Variants in CACNA2D1 observed in about 807,000 individuals in gnomAD.
The protein encoded by CACNA2D1 is voltage-dependent calcium channel subunit alpha-2/delta-1.
In CACNA2D1, 53 loss-of-function variants were observed where a neutral mutation model predicts 171.5. That is an observed-to-expected ratio of 0.31 (90% CI 0.25 to 0.39). The LOEUF (loss-of-function observed/expected upper bound fraction) is 0.39, where lower values mean the gene tolerates loss of function less well. CACNA2D1 is among the 10% of genes least tolerant of loss of function. The pLI, the probability that CACNA2D1 is intolerant of heterozygous loss-of-function variation, is 1.00. For synonymous variants in CACNA2D1, 442 were observed against 443.1 expected (o/e 1.00, Z 0.03); for missense variants, 903 against 1,299.8 (o/e 0.69, Z 4.69).
chr7:82,168,714 A>T (rs554010774), intron 4 of CACNA2D1, among the ~76,000 whole-genome samples: 1 of 62,352 alleles, frequency 1.6e-5, no homozygotes, highest in South Asian at 5.0e-4. Context: ...ATGAAACAAC[A>T]ATGATATAGG....
intron 3 of CACNA2D1, among the ~76,000 whole-genome samples, chr7:82,251,858 A>G (rs1426703573): frequency 6.6e-6 from 1 of 152,220 alleles, no homozygotes; most frequent in African/African-American, 2.4e-5. Flanking sequence ...ACACATCCTT[A>G]GCTTCCCATG....
chr7:81,986,425 C>T (rs1240475654), intron 21 of CACNA2D1, among the ~76,000 whole-genome samples: 1 of 151,928 alleles, frequency 6.6e-6, no homozygotes, highest in East Asian at 1.9e-4. Context: ...TTCTGAATCA[C>T]TTAAGCCTCA....
chr7:82,079,205 A>G (rs1055787007), intron 7 of CACNA2D1, among the ~76,000 whole-genome samples: 1 of 152,186 alleles, frequency 6.6e-6, no homozygotes, highest in African/African-American at 2.4e-5. Flanking sequence ...CATCTGGGCA[A>G]TATGCTCCAA....
At chr7:82,348,005 C>T (rs1819437187) in intron 2 of CACNA2D1, among the ~76,000 whole-genome samples, 1 of 152,020 alleles carries the variant, frequency 6.6e-6, no homozygotes, top group Non-Finnish European at 1.5e-5. Flanking sequence ...AACAATGAGG[C>T]CAGCCAAGCA....
chr7:82,139,543 A>G (rs1477637841), intron 4 of CACNA2D1, among the ~76,000 whole-genome samples: 2 of 152,166 alleles, frequency 1.3e-5, no homozygotes, highest in Non-Finnish European at 2.9e-5. Context: ...TGAGCACTCT[A>G]AACTCTGAAA....
chr7:82,146,323 T>TGC lies in CACNA2D1; in HGVS notation c.355-9648_355-9647insGC, dbSNP rs1452257838. ...ACATATATATATACGTGTGTGTGTG[T>TGC]GTGCGTGTGTGTGTGTGTAGAAGAA... On this transcript the variant is annotated intron_variant, in intron 4 of 38. Coordinates refer to ENST00000356860, the MANE Select transcript of CACNA2D1 (RefSeq NM_000722.4). Among the ~76,000 whole-genome samples, 4 of 147,580 alleles carry TGC rather than the reference T, an allele frequency of 2.7e-5. No individual in the cohort carries two copies. The East Asian group carries it at 8.0e-4, about 29-fold the overall frequency.
At chr7:82,322,844 G>C (rs986416716) in intron 3 of CACNA2D1, among the ~76,000 whole-genome samples, 1 of 152,134 alleles carries the variant, frequency 6.6e-6, no homozygotes, top group African/African-American at 2.4e-5. Flanking sequence ...GGATGGGTTT[G>C]GGCATCTCAC....
At chr7:82,427,680 G>C (rs926981077) in intron 1 of CACNA2D1, among the ~76,000 whole-genome samples, 1 of 152,202 alleles carries the variant, frequency 6.6e-6, no homozygotes, top group African/African-American at 2.4e-5. Context: ...CCAGCTAGTT[G>C]TAGAGCTGAG....
intron 15 of CACNA2D1, among the ~76,000 whole-genome samples, chr7:82,010,198 T>C (rs1799612866): frequency 6.6e-6 from 1 of 152,110 alleles, no homozygotes; most frequent in Non-Finnish European, 1.5e-5. Flanking sequence ...CGTTTTGAAA[T>C]ATATTTACCT....
chr7:82,410,902 C>T (rs1223239081), intron 1 of CACNA2D1, among the ~76,000 whole-genome samples: 5 of 152,244 alleles, frequency 3.3e-5, no homozygotes, highest in African/African-American at 7.2e-5. Context: ...TTTAATCTTT[C>T]GAGACTGCCC....
At chr7:81,965,944 A>T (rs969051000) in intron 31 of CACNA2D1, among the ~76,000 whole-genome samples, 9 of 151,740 alleles carry the variant, frequency 5.9e-5, no homozygotes, top group African/African-American at 2.2e-4. Flanking sequence ...TCTTTTTACC[A>T]TTTCCGGGTC....
At chr7:82,070,298 C>A (rs753195336) in intron 7 of CACNA2D1, among the ~76,000 whole-genome samples, 1 of 152,100 alleles carries the variant, frequency 6.6e-6, no homozygotes, top group Non-Finnish European at 1.5e-5. Context: ...TATCTGCTCC[C>A]GAATAAAACT....
intron 1 of CACNA2D1, among the ~76,000 whole-genome samples, chr7:82,383,146 A>T (rs1823900403): frequency 6.6e-6 from 1 of 152,232 alleles, no homozygotes; most frequent in African/African-American, 2.4e-5. Flanking sequence ...AGCCTTGAAC[A>T]AGAAAAACAG....
intron 1 of CACNA2D1, among the ~76,000 whole-genome samples, chr7:82,395,205 A>G (rs1241900047): frequency 1.3e-5 from 2 of 152,158 alleles, no homozygotes; most frequent in Non-Finnish European, 2.9e-5. Context: ...AATTAAAAAA[A>G]AAACACAAAA....
At chr7:82,346,671 C>A (rs7795341) in intron 2 of CACNA2D1, among the ~76,000 whole-genome samples, 17,356 of 151,780 alleles carry the variant, frequency 0.11, 1,726 homozygotes, top group African/African-American at 0.26. Flanking sequence ...TATATGTTGA[C>A]ATTTCCTTAC....
chr7:82,145,686 A>G (rs1469589427), intron 4 of CACNA2D1, among the ~76,000 whole-genome samples: 1 of 148,234 alleles, frequency 6.7e-6, no homozygotes, highest in African/African-American at 2.4e-5. Flanking sequence ...ATACACACAC[A>G]TTCTGTATAT....
At chr7:82,187,228 T>A (rs114911981) in intron 3 of CACNA2D1, among the ~76,000 whole-genome samples, 1,873 of 152,270 alleles carry the variant, frequency 0.012, 27 homozygotes, top group Middle Eastern at 0.058. Flanking sequence ...CTTCAGTCAA[T>A]CCCAAAGGTT....
At chr7:81,979,108 G>A (rs569395917) in intron 24 of CACNA2D1, among the ~76,000 whole-genome samples, 20 of 152,072 alleles carry the variant, frequency 1.3e-4, no homozygotes, top group African/African-American at 4.8e-4. Flanking sequence ...TTTATACGAC[G>A]TGTCTAGAAC....
At chr7:82,128,239 G>A (rs1174027700) in intron 5 of CACNA2D1, among the ~76,000 whole-genome samples, 1 of 151,900 alleles carries the variant, frequency 6.6e-6, no homozygotes, top group Non-Finnish European at 1.5e-5. Flanking sequence ...CGCTACCTGT[G>A]TTTTTAAGTT....
Sources: allele counts gnomAD v4.1 joint callset (sites outside exome capture counted in the v4.1 genomes callset), GRCh38; gene constraint gnomAD v4.1.1; transcripts MANE v1.5; gene names NCBI Gene and HGNC (gene_info 2026-07-23, HGNC 2026-07-21).